Variants in HPSE2 observed in about 807,000 individuals in gnomAD.
HPSE2 encodes heparanase 2 (inactive).
Under a neutral mutation model 60.5 loss-of-function variants are expected in HPSE2, and 38 were observed. The ratio of observed to expected loss-of-function variants is 0.63; its 90% CI spans 0.48 to 0.82. The LOEUF (loss-of-function observed/expected upper bound fraction) is 0.82. HPSE2 is among the 40% of genes least tolerant of loss of function. The pLI is 0.00. For synonymous variants in HPSE2, 295 were observed against 293.2 expected, an observed-to-expected ratio of 1.01 and a Z score of -0.06; for missense variants, 713 against 740.4, an observed-to-expected ratio of 0.96 and a Z score of 0.43.
intron 3 of HPSE2, among the ~76,000 whole-genome samples, chr10:98,955,220 C>A (rs927238724): frequency 1.3e-5 from 2 of 151,870 alleles, no homozygotes; most frequent in African/African-American, 2.4e-5. Context: ...TGAGAAAGGT[C>A]TAATATCTAG....
intron 3 of HPSE2, chr10:99,013,905 C>T (rs900747895): frequency 2.4e-6 from 1 of 422,134 alleles, no homozygotes; most frequent in Non-Finnish European, 4.9e-6. Flanking sequence ...TACTTTTGTG[C>T]TCCTGGTGAT....
chr10:98,517,392 C>T (rs895188942), intron 9 of HPSE2, among the ~76,000 whole-genome samples: 1 of 152,110 alleles, frequency 6.6e-6, no homozygotes, highest in African/African-American at 2.4e-5. Context: ...TTTGGAGAAC[C>T]GCTGATCTAG....
chr10:98,567,224 G>C (rs1012883050), intron 9 of HPSE2, among the ~76,000 whole-genome samples: 4 of 152,234 alleles, frequency 2.6e-5, no homozygotes, highest in Non-Finnish European at 4.4e-5. Flanking sequence ...TGAGGTGTAA[G>C]GCAGGGATGA....
At chr10:98,812,138 CA>C (rs1392412702) in intron 3 of HPSE2, among the ~76,000 whole-genome samples, 1 of 152,030 alleles carries the variant, frequency 6.6e-6, no homozygotes, top group African/African-American at 2.4e-5. Context: ...TAGCACTAGC[CA>C]GGGAAAATGC....
intron 3 of HPSE2, among the ~76,000 whole-genome samples, chr10:99,102,188 C>T (rs1485937020): frequency 6.6e-6 from 1 of 151,814 alleles, no homozygotes; most frequent in Non-Finnish European, 1.5e-5. Flanking sequence ...TTAATGAATC[C>T]AGGAGCTGGT....
At chr10:98,560,906 T>C (rs1944156286) in intron 9 of HPSE2, among the ~76,000 whole-genome samples, 1 of 152,224 alleles carries the variant, frequency 6.6e-6, no homozygotes, top group Non-Finnish European at 1.5e-5. Context: ...ATATAATTAT[T>C]ATGTATAGTG....
chr10:98,564,775 G>A (rs1303775227), intron 9 of HPSE2, among the ~76,000 whole-genome samples: 1 of 152,168 alleles, frequency 6.6e-6, no homozygotes, highest in African/African-American at 2.4e-5. Flanking sequence ...CAGCCAGATG[G>A]CCATGTTTTA....
the HPSE2 span, among the ~76,000 whole-genome samples, chr10:99,285,194 C>T: frequency 6.6e-6 from 1 of 151,700 alleles, no homozygotes; most frequent in East Asian, 1.9e-4. Context: ...CTTTGGCAGG[C>T]TGAATGGGAG....
At chr10:99,225,928 ACT>A (rs1259751066) in intron 2 of HPSE2, among the ~76,000 whole-genome samples, 2 of 151,824 alleles carry the variant, frequency 1.3e-5, no homozygotes, top group Non-Finnish European at 2.9e-5. Flanking sequence ...ATGTATTAAA[ACT>A]CAATTTAAAC....
intron 3 of HPSE2, among the ~76,000 whole-genome samples, chr10:98,924,976 C>T (rs924394601): frequency 6.6e-6 from 1 of 152,158 alleles, no homozygotes; most frequent in African/African-American, 2.4e-5. Context: ...CTCAATACAG[C>T]TTTATTCTCC....
intron 2 of HPSE2, among the ~76,000 whole-genome samples, chr10:99,181,100 A>T (rs376700437): frequency 6.6e-6 from 1 of 151,974 alleles, no homozygotes; most frequent in African/African-American, 2.4e-5. Flanking sequence ...AAATCATTCT[A>T]CTATAAAGAC....
intron 3 of HPSE2, among the ~76,000 whole-genome samples, chr10:98,761,671 A>G (rs1950006476): frequency 6.6e-6 from 1 of 152,282 alleles, no homozygotes; most frequent in African/African-American, 2.4e-5. Context: ...ACTGACTACA[A>G]CTAAAATCTC....
At chr10:98,578,484 T>C (rs1944702095) in intron 9 of HPSE2, among the ~76,000 whole-genome samples, 1 of 152,234 alleles carries the variant, frequency 6.6e-6, no homozygotes, top group Admixed American at 6.5e-5. Context: ...ACTTCCTTTC[T>C]AAATGGCACA....
chr10:98,525,375 C>T (rs189228521), intron 9 of HPSE2, among the ~76,000 whole-genome samples: 1 of 152,236 alleles, frequency 6.6e-6, no homozygotes, highest in Non-Finnish European at 1.5e-5. Flanking sequence ...ACCCAAACAA[C>T]TCTTCGCCAT....
intron 9 of HPSE2, among the ~76,000 whole-genome samples, chr10:98,494,130 G>T (rs1046097893): frequency 3.2e-4 from 49 of 152,134 alleles, no homozygotes; most frequent in Non-Finnish European, 4.3e-4. Context: ...TAAAGAAATA[G>T]CACTTGAACA....
chr10:98,553,320 A>G (rs1943913122), intron 9 of HPSE2, among the ~76,000 whole-genome samples: 1 of 152,242 alleles, frequency 6.6e-6, no homozygotes, highest in Admixed American at 6.5e-5. Flanking sequence ...ATAACTGTGT[A>G]ATTACTACAG....
intron 11 of HPSE2, among the ~76,000 whole-genome samples, chr10:98,472,194 A>T (rs1940806637): frequency 6.6e-6 from 1 of 151,310 alleles, no homozygotes; most frequent in African/African-American, 2.4e-5. Context: ...TTTTATAAAT[A>T]TATATATATA....
intron 6 of HPSE2, among the ~76,000 whole-genome samples, chr10:98,666,971 A>G (rs117455035): frequency 3.3e-5 from 5 of 152,190 alleles, no homozygotes; most frequent in African/African-American, 7.2e-5. Context: ...CAAAAGATCA[A>G]TAAAACCAAG....
intron 3 of HPSE2, among the ~76,000 whole-genome samples, chr10:98,766,504 C>T (rs1950121665): frequency 6.6e-6 from 1 of 152,146 alleles, no homozygotes; most frequent in East Asian, 1.9e-4. Flanking sequence ...TATAAGCCAA[C>T]ATCTCTCATA....
Sources: gnomAD v4.1 joint callset for allele counts (sites outside exome capture counted in the v4.1 genomes callset) on GRCh38, gnomAD v4.1.1 for gene constraint, MANE v1.5 for transcripts, NCBI Gene and HGNC (gene_info 2026-07-23, HGNC 2026-07-21) for gene names.